ATP13A2: variants seen among roughly 807,000 people sequenced by gnomAD.
The protein encoded by ATP13A2 is ATPase cation transporting 13A2.
Under a neutral mutation model 138.3 loss-of-function variants are expected in ATP13A2, and 83 were observed. That is an observed-to-expected ratio of 0.60 (90% CI 0.50 to 0.72). The LOEUF is 0.72. Ranked by LOEUF, ATP13A2 falls within the 30% of genes least tolerant of loss-of-function variation. ATP13A2 has a pLI of 0.00. For missense variants in ATP13A2, 1,402 were observed against 1,606.4 expected, an observed-to-expected ratio of 0.87 and a Z score of 2.17; for synonymous variants, 663 against 699.0, an observed-to-expected ratio of 0.95 and a Z score of 0.81.
At chr1:16,996,553 C>T (rs950813273) in intron 12 of ATP13A2, 57 bp from the exon 13 acceptor site, 2 of 1,373,030 alleles carry the variant, frequency 1.5e-6, no homozygotes, top group South Asian at 2.3e-5. Flanking sequence ...CAGGCCTTCC[C>T]CACCCCTAGC....
rs886045579 is a variant in ATP13A2 at position 16,989,737 on chromosome 1, C to T, written c.2563G>A (p.Ala855Thr). ...LVQGTVFARM[A>T]PEQKTELVCE... The stretch of plus-strand genomic sequence containing the variant: ...ACCAGCTCTGTCTTCTGCTCAGGGG[C>T]CATGCGGGCAAAGACAGTGCCCTGG... The change falls in exon 23 of 29, where the codon GCC becomes ACC. Residue 855 changes from alanine (A) to threonine (T), a missense_variant. Ala to Thr is a moderately conservative substitution (Grantham distance 58). Coordinates refer to ENST00000326735, the MANE Select transcript of ATP13A2 (RefSeq NM_022089.4). 2 of 1,614,108 alleles carry T rather than the reference C, an allele frequency of 1.2e-6. No homozygotes were observed. The highest frequency in any genetic ancestry group is 1.7e-6 in the Non-Finnish European group (2 of 1,180,044).
intron 8 of ATP13A2, among the ~76,000 whole-genome samples, chr1:17,001,068 TCCATTCTACAGATGAGGAAA>T (rs1231643486): frequency 6.6e-6 from 1 of 151,944 alleles, no homozygotes; most frequent in African/African-American, 2.4e-5. Flanking sequence ...CACCATTAGC[TCCATTCTACAGATGAGGAAA>T]CCAAGGCATG....
rs756666487 is a variant in ATP13A2 at position 17,005,374 on chromosome 1, C to G, written c.288G>C (p.Glu96Asp). Residue 96 changes from glutamate (E) to aspartate (D), a missense_variant and splice_region_variant, in exon 3 of 29, where the codon GAG (glutamate) becomes GAC (aspartate). Transcript: ENST00000326735. The part of the protein sequence containing the change: ...ETLVIEIRDK[E>D]DSSWQLFTVQ... ...GCCCCAGGCTCAGCCTGACTCTCAC[C>G]TCTTTGTCTCTTATTTCGATAACGA... 6.3e-7 allele frequency: 1 copy of G among 1,596,342 alleles called. No homozygotes were observed. The highest frequency in any genetic ancestry group is 1.1e-5 in the South Asian group (1 of 89,174).
intron 16 of ATP13A2, 114 bp from the exon 17 acceptor site, chr1:16,992,695 G>A: frequency 9.1e-7 from 1 of 1,100,346 alleles, no homozygotes; most frequent in South Asian, 1.4e-5. Context: ...TTAAGAATGT[G>A]GGCTTTGGAG....
rs2077090870 is a variant in ATP13A2, at chr1:16,995,612, T to A, written c.1542+364A>T. Reference sequence around the variant, plus strand: ...ACAAGCATGTGCCATCATGCCTGGCTAACTTTTGTATTTTTAGTAGACGGG... The same window carrying A: ...ACAAGCATGTGCCATCATGCCTGGCAAACTTTTGTATTTTTAGTAGACGGG... On this transcript the variant is annotated intron_variant, in intron 15 of 28. Transcript: ENST00000326735. The surrounding 1 kb of genome is among the most constrained non-coding windows in gnomAD (Gnocchi z 4.1). The A allele has an allele frequency of 2.8e-6, 1 of 360,688 alleles. No homozygotes were observed. The highest frequency in any genetic ancestry group is 3.8e-5 in the Admixed American group (1 of 26,166). 22.3% of individuals were successfully genotyped at this position (360,688 alleles called of 1,614,324 possible).
At chr1:17,006,768 C>A (rs1032487548) in intron 1 of ATP13A2, among the ~76,000 whole-genome samples, 2 of 152,144 alleles carry the variant, frequency 1.3e-5, no homozygotes, top group African/African-American at 4.8e-5. Flanking sequence ...CCGTGCCCAG[C>A]CCAGGTCTGG....
chr1:16,986,704 G>A lies in ATP13A2; in HGVS notation c.3236-72C>T. 6.4e-7 allele frequency: 1 copy of A among 1,569,394 alleles called. No individual in the cohort carries two copies. The highest frequency in any genetic ancestry group is 8.6e-7 in the Non-Finnish European group (1 of 1,162,088). ...CCCACAGACACACGTGTGCACGCCAGTCTTCCACTCGGCCGGCACCTCTCT... is the reference window on the plus strand; with the variant it reads ...CCCACAGACACACGTGTGCACGCCAATCTTCCACTCGGCCGGCACCTCTCT... On this transcript the variant is annotated intron_variant, in intron 27 of 28. Coordinates refer to ENST00000326735, the MANE Select transcript of ATP13A2 (RefSeq NM_022089.4). This position sits in a 1 kb window ranked among gnomAD's most constrained non-coding sequence, Gnocchi z 6.9.
rs113105667 is a variant in ATP13A2, at chr1:16,997,044, C to T, written c.1171G>A (p.Val391Ile). 455 of 1,612,670 alleles carry T rather than the reference C, an allele frequency of 2.8e-4. No individual in the cohort carries two copies. Among genetic ancestry groups the T allele is most frequent in the East Asian group, 7.1e-4 (32 of 44,894 alleles). ...CCTGTGCGGGTCACCACTGCCAGGA[C>T]GTGCGGTCCCACATAGGCCCGGGCC... ...LQARAYVGPHVLAVVTRTGFC... is the reference protein window; with the variant it reads ...LQARAYVGPHILAVVTRTGFC... Residue 391 changes from valine (V) to isoleucine (I), a missense_variant, in exon 12 of 29, where the codon GTC becomes ATC. Val to Ile is a conservative substitution (Grantham distance 29). Coordinates refer to ENST00000326735, the MANE Select transcript of ATP13A2 (RefSeq NM_022089.4).
rs896485827 is a variant in ATP13A2, at chr1:16,995,136, G to A, written c.1542+840C>T. Among the ~76,000 whole-genome samples, 34 of 152,290 alleles carry A rather than the reference G, an allele frequency of 2.2e-4. 1 individual carries two copies. The highest frequency in any genetic ancestry group is 7.0e-4 in the African/African-American group (29 of 41,566). On this transcript the variant is annotated intron_variant, in intron 15 of 28. Transcript: ENST00000326735. The surrounding 1 kb of genome is among the most constrained non-coding windows in gnomAD (Gnocchi z 4.1). ...TGTGCCCCAGGCACACGGTACATCT[G>A]TGCTATGACACTCCCACCTTTTACC... is the stretch of plus-strand genomic sequence containing the variant.
chr1:16,986,664 C>A lies in ATP13A2; in HGVS notation c.3236-32G>T. 1 of 1,584,266 alleles carries A rather than the reference C, an allele frequency of 6.3e-7. No individual in the cohort carries two copies. Among genetic ancestry groups the A allele is most frequent in the Non-Finnish European group, 8.6e-7 (1 of 1,169,574 alleles). On this transcript the variant is annotated intron_variant, in intron 27 of 28. Transcript: ENST00000326735. The surrounding 1 kb of genome is among the most constrained non-coding windows in gnomAD (Gnocchi z 6.9). The stretch of plus-strand genomic sequence containing the variant: ...GCAGGAGAGTCTCTCAGGCAGGAGC[C>A]ACGCCCCCCCGGCACCCACAGACAC...
Position 16,996,281 on chromosome 1 carries a change from G to A in ATP13A2, c.1326C>T (p.Tyr442=), listed in dbSNP as rs759792618. 7 of 1,614,094 alleles carry A rather than the reference G, an allele frequency of 4.3e-6. No individual in the cohort carries two copies. The highest frequency in any genetic ancestry group is 5.9e-6 in the Non-Finnish European group (7 of 1,180,058). Reference sequence around the variant, plus strand: ...GGTTTCGGTAGAGGATGAAGATGCTGTAGATGGTGCCGAGGAGAGCTGTGG... The same window carrying A: ...GGTTTCGGTAGAGGATGAAGATGCTATAGATGGTGCCGAGGAGAGCTGTGG... ...LSVLALLGTI[Y]SIFILYRNRV... is the part of the protein sequence containing the mutation. Residue 442 remains tyrosine, a synonymous_variant, in exon 14 of 29, where the codon TAC becomes TAT. Transcript: ENST00000326735.
chr1:16,987,745 A>G (rs1217075651), intron 25 of ATP13A2, among the ~76,000 whole-genome samples: 2 of 152,136 alleles, frequency 1.3e-5, no homozygotes, highest in Admixed American at 1.3e-4. Context: ...TCCTCCAAGT[A>G]GGGTGTGGGA....
chr1:16,994,224 T>TTATTTA (rs1168949231), intron 15 of ATP13A2, among the ~76,000 whole-genome samples: 5 of 142,100 alleles, frequency 3.5e-5, no homozygotes, highest in Admixed American at 7.3e-5. Flanking sequence ...ATTTATTTAT[T>TTATTTA]TTTATTTTTA....
chr1:16,998,134 G>GTA (rs2077211756), intron 11 of ATP13A2, among the ~76,000 whole-genome samples: 1 of 152,226 alleles, frequency 6.6e-6, no homozygotes, highest in Admixed American at 6.5e-5. Flanking sequence ...AGCAGATGAA[G>GTA]TATGTGTGGA....
chr1:16,993,744 C>T lies in ATP13A2; in HGVS notation c.1634G>A (p.Arg545His), dbSNP rs200337290. The change falls in exon 16 of 29, where the codon CGC becomes CAC. Residue 545 changes from arginine to histidine, a missense_variant. Coordinates refer to ENST00000326735, the MANE Select transcript of ATP13A2 (RefSeq NM_022089.4). ...AFLPLVPEPR[R>H]LPVGPLLRAL... ...TCGGAGCAGGGGCCCCACAGGCAGG[C>T]GGCGAGGCTCTGGGACCAGGGGCAG... The T allele has an allele frequency of 6.3e-5, 100 of 1,590,874 alleles. No homozygotes were observed. The highest frequency in any genetic ancestry group is 7.1e-5 in the Non-Finnish European group (83 of 1,169,710).
At chr1:17,001,965 G>A (rs1236271464) in intron 8 of ATP13A2, 69 bp downstream of exon 8, 2 of 1,508,120 alleles carry the variant, frequency 1.3e-6, no homozygotes, top group Non-Finnish European at 1.8e-6. Flanking sequence ...GCCCAGAGGA[G>A]GCAAGCCCTG....
chr1:16,990,422 C>A, intron 20 of ATP13A2, 135 bp from the exon 21 acceptor site: 3 of 1,139,116 alleles, frequency 2.6e-6, no homozygotes, highest in Admixed American at 4.2e-5. Context: ...GGCAGGTTAC[C>A]AACATCCCTT....
chr1:17,011,321 G>T lies in ATP13A2; in HGVS notation c.10+408C>A, dbSNP rs1030023430. On this transcript the variant is annotated intron_variant, in intron 1 of 28. Coordinates refer to ENST00000326735, the MANE Select transcript of ATP13A2 (RefSeq NM_022089.4). This position sits in a 1 kb window ranked among gnomAD's most constrained non-coding sequence, Gnocchi z 7.3. ...TCATTCATTCATTCAGCCCAGAGGG[G>T]TTGCCCAGAGGCCCGAGGATGCAGC... 6.6e-5 allele frequency among the ~76,000 whole-genome samples: 10 copies of T among 151,742 alleles called. No individual in the cohort carries two copies. The highest frequency in any genetic ancestry group is 2.0e-4 in the Admixed American group (3 of 15,250).
At position 17,004,721 on chromosome 1, in the gene ATP13A2, TG is replaced by T; in HGVS notation, c.447del (p.His149GlnfsTer7). 6.2e-7 allele frequency: 1 copy of T among 1,614,102 alleles called. No homozygotes were observed. Among genetic ancestry groups the T allele is most frequent in the Non-Finnish European group, 8.5e-7 (1 of 1,180,014 alleles). Reference sequence around the variant, plus strand: ...CCGACACTCACCGCCTCCTCGCTCTTGTGGAGCTGGGCCGTATCCTTCCAGG... The same window carrying T: ...CCGACACTCACCGCCTCCTCGCTCTTTGGAGCTGGGCCGTATCCTTCCAGG... ...EGAWKDTAQL[H>X]KSEEAVSVGQ... On this transcript the variant is annotated frameshift_variant, in exon 5 of 29. Coordinates refer to ENST00000326735, the MANE Select transcript of ATP13A2 (RefSeq NM_022089.4). LOFTEE classifies it high-confidence loss of function. This position sits in a 1 kb window ranked among gnomAD's most constrained non-coding sequence, Gnocchi z 4.1.
Sources: gnomAD v4.1 joint callset for allele counts (sites outside exome capture counted in the v4.1 genomes callset) on GRCh38, gnomAD v4.1.1 for gene constraint, Gnocchi (gnomAD v3.1) non-coding constraint, MANE v1.5 for transcripts, NCBI Gene and HGNC (gene_info 2026-07-23, HGNC 2026-07-21) for gene names.